The following SSBP2 variants were observed in gnomAD, a reference collection of about 807,000 sequenced individuals.
SSBP2 encodes single-stranded DNA-binding protein 2.
SSBP2 carries 17 observed loss-of-function variants against 61.8 expected under a neutral mutation model. The ratio of observed to expected loss-of-function variants is 0.28; its 90% CI spans 0.19 to 0.41. The LOEUF is 0.41. Ranked by LOEUF, SSBP2 falls within the 10% of genes least tolerant of loss-of-function variation. The pLI is 1.00. For missense variants in SSBP2, 310 were observed against 458.7 expected (o/e 0.68, Z 2.96); for synonymous variants, 139 against 141.3 (o/e 0.98, Z 0.12).
intron 4 of SSBP2, among the ~76,000 whole-genome samples, chr5:81,560,341 G>A (rs1166537667): frequency 6.6e-6 from 1 of 152,002 alleles, no homozygotes; most frequent in African/African-American, 2.4e-5. Flanking sequence ...ATTTAGATAG[G>A]AACAGTCCTG....
chr5:81,633,222 T>G (rs1231313657), intron 3 of SSBP2, among the ~76,000 whole-genome samples: 1 of 149,626 alleles, frequency 6.7e-6, no homozygotes, highest in Non-Finnish European at 1.5e-5. Flanking sequence ...TTCAAGCTAT[T>G]CATCTGCCTC....
chr5:81,485,251 A>G (rs573430993), intron 6 of SSBP2, among the ~76,000 whole-genome samples: 13 of 152,246 alleles, frequency 8.5e-5, no homozygotes, highest in Middle Eastern at 3.4e-3. Flanking sequence ...TTCGTCATAT[A>G]TATTTATCCT....
At chr5:81,724,451 G>T (rs991948275) in intron 1 of SSBP2, among the ~76,000 whole-genome samples, 9 of 151,952 alleles carry the variant, frequency 5.9e-5, no homozygotes, top group Non-Finnish European at 1.3e-4. Context: ...TTAGAACACA[G>T]TGCAAAGCCA....
chr5:81,464,305 T>C (rs1461633904), intron 9 of SSBP2, among the ~76,000 whole-genome samples: 1 of 152,202 alleles, frequency 6.6e-6, no homozygotes, highest in Non-Finnish European at 1.5e-5. Context: ...TACATGATTA[T>C]TCAAATTTCC....
chr5:81,532,504 G>C (rs2154107135), intron 4 of SSBP2, among the ~76,000 whole-genome samples: 1 of 151,874 alleles, frequency 6.6e-6, no homozygotes, highest in South Asian at 2.1e-4. Flanking sequence ...AAAGGACAAA[G>C]ATTAGATAGT....
chr5:81,519,227 C>T (rs1198174421), intron 4 of SSBP2, among the ~76,000 whole-genome samples: 1 of 152,080 alleles, frequency 6.6e-6, no homozygotes, highest in South Asian at 2.1e-4. Flanking sequence ...GTAAAACTGC[C>T]TTAGACAAAG....
Position 81,461,075 on chromosome 5 carries a change from T to G in SSBP2, c.667A>C (p.Asn223His), listed in dbSNP as rs1764508960. ...CTCACTGAATTGGCATTTGTTGGGT[T>G]TGGCCAAGGTCTACCACCACCTGGA... Residue 223 changes from asparagine (N) to histidine (H), a missense_variant, in exon 10 of 17, where the codon AAC becomes CAC. By Grantham distance (68) the Asn-to-His change is moderately conservative (BLOSUM62 1). This residue lies in a region of SSBP2 where 209 missense variants were observed against 286.4 expected (regional missense o/e 0.73). Transcript: ENST00000320672. 1.3e-6 allele frequency: 2 copies of G among 1,580,820 alleles called. No individual in the cohort carries two copies. Among genetic ancestry groups the G allele is most frequent in the Non-Finnish European group, 1.7e-6 (2 of 1,162,924 alleles).
intron 1 of SSBP2, among the ~76,000 whole-genome samples, chr5:81,669,660 G>T (rs1378072317): frequency 6.6e-6 from 1 of 152,062 alleles, no homozygotes; most frequent in Non-Finnish European, 1.5e-5. Flanking sequence ...TGGGGGATGG[G>T]GGATGAGAGT....
chr5:81,505,726 A>T (rs1361664908), intron 5 of SSBP2, among the ~76,000 whole-genome samples: 1 of 152,208 alleles, frequency 6.6e-6, no homozygotes, highest in African/African-American at 2.4e-5. Context: ...ATTTTAAACT[A>T]TGATGCTTTA....
chr5:81,606,676 A>G (rs1744910263), intron 4 of SSBP2, among the ~76,000 whole-genome samples: 1 of 152,170 alleles, frequency 6.6e-6, no homozygotes, highest in African/African-American at 2.4e-5. Context: ...GAGATTCCCA[A>G]TCCTCTTTAG....
chr5:81,680,046 A>C (rs1330348922), intron 1 of SSBP2, among the ~76,000 whole-genome samples: 1 of 151,366 alleles, frequency 6.6e-6, no homozygotes, highest in Non-Finnish European at 1.5e-5. Context: ...AGTTCTCTGG[A>C]CATTGAACTC....
chr5:81,571,675 A>G (rs1773853388), intron 4 of SSBP2, among the ~76,000 whole-genome samples: 1 of 152,182 alleles, frequency 6.6e-6, no homozygotes, highest in African/African-American at 2.4e-5. Context: ...GATGAGGTAC[A>G]TGAAAGATTC....
rs555935198 is a variant in SSBP2, at chr5:81,710,923, C to T, written c.62+40058G>A. 3.3e-5 allele frequency among the ~76,000 whole-genome samples: 5 copies of T among 152,084 alleles called. No individual in the cohort carries two copies. In the East Asian group the frequency reaches 5.8e-4, roughly 18 times the overall value. On this transcript the variant is annotated intron_variant, in intron 1 of 16. Coordinates refer to ENST00000320672, the MANE Select transcript of SSBP2 (RefSeq NM_012446.5). ...TTTCCAAGATTTGTTAATATAAATA[C>T]GTAATTATTTTTAGCACCTTTAACA...
At chr5:81,567,461 A>C (rs1773508413) in intron 4 of SSBP2, among the ~76,000 whole-genome samples, 1 of 152,228 alleles carries the variant, frequency 6.6e-6, no homozygotes, top group East Asian at 1.9e-4. Flanking sequence ...GAAGATGTAT[A>C]GAAACGCTTG....
chr5:81,501,621 G>A (rs1350439833), intron 5 of SSBP2, among the ~76,000 whole-genome samples: 1 of 136,122 alleles, frequency 7.3e-6, no homozygotes, highest in African/African-American at 2.7e-5. Context: ...GGAGTGTAGT[G>A]GCGTGATCTG....
intron 12 of SSBP2, among the ~76,000 whole-genome samples, chr5:81,446,147 TAGAGTCAC>T (rs1763387177): frequency 6.6e-6 from 1 of 152,206 alleles, no homozygotes. Flanking sequence ...ATTAGAAGTA[TAGAGTCAC>T]ATGGTATGAA....
intron 1 of SSBP2, among the ~76,000 whole-genome samples, chr5:81,731,970 C>T (rs972077867): frequency 5.3e-5 from 8 of 151,982 alleles, no homozygotes; most frequent in African/African-American, 1.9e-4. Context: ...CACTGGATTT[C>T]AAGGCCTTAA....
intron 8 of SSBP2, among the ~76,000 whole-genome samples, chr5:81,472,949 G>A (rs1344516355): frequency 6.6e-6 from 1 of 152,146 alleles, no homozygotes; most frequent in Non-Finnish European, 1.5e-5. Context: ...ACTAAGAAAA[G>A]GGTAACAGTT....
intron 1 of SSBP2, among the ~76,000 whole-genome samples, chr5:81,675,581 G>A (rs1453321189): frequency 6.6e-6 from 1 of 152,108 alleles, no homozygotes; most frequent in Non-Finnish European, 1.5e-5. Context: ...TTATTTAAGA[G>A]GAAATAAATT....
Sources: allele counts gnomAD v4.1 joint callset (sites outside exome capture counted in the v4.1 genomes callset), GRCh38; gene constraint gnomAD v4.1.1; regional missense constraint gnomAD v4.1.1; transcripts MANE v1.5; gene names NCBI Gene and HGNC (gene_info 2026-07-23, HGNC 2026-07-21).